The following ESRP1 variants were observed in gnomAD, a reference collection of about 807,000 sequenced individuals.
ESRP1 encodes epithelial splicing regulatory protein 1, also known as RNA-binding motif protein 35A.
Under a neutral mutation model 81.7 loss-of-function variants are expected in ESRP1, and 33 were observed. The observed-to-expected ratio is 0.40, with a 90% CI of 0.31 to 0.54. The LOEUF is 0.54. Ranked by LOEUF, ESRP1 falls within the 20% of genes least tolerant of loss-of-function variation. The pLI is 0.41. For synonymous variants in ESRP1, 320 were observed against 303.3 expected, an observed-to-expected ratio of 1.06 and a Z score of -0.57; for missense variants, 672 against 833.1, an observed-to-expected ratio of 0.81 and a Z score of 2.38.
chr8:94,679,950 A>C (rs1808808167), intron 13 of ESRP1, among the ~76,000 whole-genome samples: 1 of 152,146 alleles, frequency 6.6e-6, no homozygotes, highest in Admixed American at 6.6e-5. Context: ...AAGAGTAAAA[A>C]TATAATTTAA....
At chr8:94,652,602 AC>A (rs1818200149) in intron 4 of ESRP1, among the ~76,000 whole-genome samples, 1 of 151,704 alleles carries the variant, frequency 6.6e-6, no homozygotes, top group Non-Finnish European at 1.5e-5. Flanking sequence ...TTTTTTCCCC[AC>A]TAATGTTGGA....
In ESRP1 at chr8:94,678,387, A is replaced by T. The variant is rs1228096837; in HGVS notation, c.1820+16A>T. 6.2e-7 allele frequency: 1 copy of T among 1,605,368 alleles called. No individual in the cohort carries two copies. Among genetic ancestry groups the T allele is most frequent in the Non-Finnish European group, 8.5e-7 (1 of 1,174,936 alleles). On this transcript the variant is annotated intron_variant, in intron 13 of 15. Coordinates refer to ENST00000433389, the MANE Select transcript of ESRP1 (RefSeq NM_017697.4). ...ACTATCCCAGGTAAGGCTCTGACAG[A>T]GGTGGAAATGAGGGGCAGAAACAAA... is the stretch of plus-strand genomic sequence containing the variant.
intron 12 of ESRP1, among the ~76,000 whole-genome samples, chr8:94,675,772 T>C (rs981674883): frequency 2.6e-5 from 4 of 152,180 alleles, no homozygotes; most frequent in African/African-American, 9.7e-5. Context: ...TTACAGATTT[T>C]TCCTCTGAAG....
At chr8:94,676,343 C>A (rs150116995) in intron 12 of ESRP1, among the ~76,000 whole-genome samples, 2,059 of 107,338 alleles carry the variant, frequency 0.019, 65 homozygotes, top group African/African-American at 0.065. Context: ...CAGTGAGACT[C>A]AGTCTCAAAA....
In ESRP1 at chr8:94,657,729, C is replaced by A. The variant is rs142575002; in HGVS notation, c.491-4543C>A. Among the ~76,000 whole-genome samples, 217 of 152,340 alleles carry A rather than the reference C, an allele frequency of 1.4e-3. 1 individual carries two copies. Among genetic ancestry groups the A allele is most frequent in the African/African-American group, 5.0e-3 (208 of 41,570 alleles). On this transcript the variant is annotated intron_variant, in intron 4 of 15. Coordinates refer to ENST00000433389, the MANE Select transcript of ESRP1 (RefSeq NM_017697.4). ...TGATTCTTCAGCTACAAGTCTATTTCTAACCAGGCAGGAATGCTTTACATT... is the reference window on the plus strand; with the variant it reads ...TGATTCTTCAGCTACAAGTCTATTTATAACCAGGCAGGAATGCTTTACATT...
In ESRP1 at chr8:94,674,340, G is replaced by A; in HGVS notation, c.1485G>A (p.Met495Ile). The A allele has an allele frequency of 8.7e-6, 14 of 1,613,936 alleles. No individual in the cohort carries two copies. The highest frequency in any genetic ancestry group is 1.2e-5 in the Non-Finnish European group (14 of 1,179,886). ...GRPSGDAFIQ[M>I]KSADRAFMAA... is the part of the protein sequence containing the mutation. The stretch of plus-strand genomic sequence containing the variant: ...CATCAGGAGATGCCTTTATCCAGAT[G>A]AAGTCTGCGGACAGAGCATTTATGG... Residue 495 changes from methionine (M) to isoleucine (I), a missense_variant, in exon 12 of 16, where the codon ATG (methionine) becomes ATA (isoleucine). Physicochemically the swap from Met to Ile is conservative, Grantham distance 10 (BLOSUM62 1). Coordinates refer to ENST00000433389, the MANE Select transcript of ESRP1 (RefSeq NM_017697.4).
chr8:94,665,117 A>C, intron 8 of ESRP1, 37 bp from the exon 9 acceptor site: 1 of 1,613,780 alleles, frequency 6.2e-7, no homozygotes, highest in Non-Finnish European at 8.5e-7. Context: ...CATAGGACGG[A>C]AGGCTCAGAA....
At chr8:94,652,819 C>T (rs1182069231) in intron 4 of ESRP1, among the ~76,000 whole-genome samples, 1 of 152,132 alleles carries the variant, frequency 6.6e-6, no homozygotes, top group Non-Finnish European at 1.5e-5. Flanking sequence ...ATGAACGGCT[C>T]AGTGGGGAGC....
chr8:94,641,810 G>A (rs1468492536), intron 1 of ESRP1, 146 bp from the exon 2 acceptor site: 5 of 1,329,396 alleles, frequency 3.8e-6, no homozygotes, highest in South Asian at 1.5e-5. Flanking sequence ...GGAACGCACC[G>A]GAACCGATGG....
chr8:94,702,018 C>T lies in ESRP1; in HGVS notation c.*36-3907C>T, dbSNP rs75566150. 2.8e-4 allele frequency among the ~76,000 whole-genome samples: 42 copies of T among 152,284 alleles called. No homozygotes were observed. The East Asian group carries it at 6.9e-3, about 25-fold the overall frequency. ...GCTTCAGCCCAGGAGGTCGAGGTTG[C>T]GGTGAGCTGTCATCGTGCCACTGCC... On this transcript the variant is annotated intron_variant, in intron 15 of 15. Coordinates refer to ENST00000433389, the MANE Select transcript of ESRP1 (RefSeq NM_017697.4).
intron 15 of ESRP1, among the ~76,000 whole-genome samples, chr8:94,701,316 G>T (rs1304740126): frequency 1.3e-5 from 2 of 151,440 alleles, no homozygotes; most frequent in African/African-American, 4.9e-5. Context: ...CTCATGGCTG[G>T]CTATAGGATC....
intron 15 of ESRP1, among the ~76,000 whole-genome samples, chr8:94,702,257 C>A (rs1388706341): frequency 2.0e-5 from 3 of 152,054 alleles, no homozygotes; most frequent in Non-Finnish European, 4.4e-5. Flanking sequence ...TGTTATTGGA[C>A]TGTCAGCCTT....
chr8:94,663,973 C>A (rs1001804952), intron 6 of ESRP1, among the ~76,000 whole-genome samples: 1 of 152,080 alleles, frequency 6.6e-6, no homozygotes, highest in Non-Finnish European at 1.5e-5. Context: ...GGTTAATTGT[C>A]AGCTTTATTC....
At chr8:94,672,820 G>T (rs72676924) in intron 11 of ESRP1, among the ~76,000 whole-genome samples, 47,170 of 152,166 alleles carry the variant, frequency 0.31, 8,824 homozygotes, top group East Asian at 0.58. Flanking sequence ...GGCGTAAGCC[G>T]CCGCACCTGG....
intron 9 of ESRP1, among the ~76,000 whole-genome samples, chr8:94,667,564 C>T (rs1479648040): frequency 6.6e-6 from 1 of 152,034 alleles, no homozygotes; most frequent in Non-Finnish European, 1.5e-5. Flanking sequence ...TAATTTATGA[C>T]ATAGGCAATC....
intron 12 of ESRP1, among the ~76,000 whole-genome samples, chr8:94,674,948 A>AT (rs139220933): frequency 0.033 from 5,074 of 152,298 alleles, 269 homozygotes; most frequent in African/African-American, 0.11. Context: ...AGCATCAAGT[A>AT]TTTTTTTAAC....
chr8:94,677,146 T>C (rs1423199273), intron 12 of ESRP1, among the ~76,000 whole-genome samples: 4 of 152,202 alleles, frequency 2.6e-5, no homozygotes, highest in Non-Finnish European at 4.4e-5. Flanking sequence ...TTAGTCTTTT[T>C]TCTATACGCC....
At chr8:94,704,752 C>T (rs947079854) in intron 15 of ESRP1, among the ~76,000 whole-genome samples, 1 of 117,076 alleles carries the variant, frequency 8.5e-6, no homozygotes, top group African/African-American at 3.4e-5. Flanking sequence ...CAATGCAAGG[C>T]ACCATCTCTT....
At position 94,667,068 on chromosome 8, in the gene ESRP1, G is replaced by GGGGTGTGTGTGTGTGTGT. The variant is rs1554577644; in HGVS notation, c.932-880_932-879insGGTGTGTGTGTGTGTGTG. On this transcript the variant is annotated intron_variant, in intron 9 of 15. Coordinates refer to ENST00000433389, the MANE Select transcript of ESRP1 (RefSeq NM_017697.4). ...TAATACACAAATTAGCCAGGAGAGG[G>GGGGTGTGTGTGTGTGTGT]GTGTGTGTGTGTGTGTGTGTGTGTG... 6.0e-3 allele frequency among the ~76,000 whole-genome samples: 866 copies of GGGGTGTGTGTGTGTGTGT among 144,302 alleles called. 7 individuals carry two copies. Among genetic ancestry groups the GGGGTGTGTGTGTGTGTGT allele is most frequent in the Middle Eastern group, 0.011 (3 of 278 alleles). The allele number at this position is 144,302 out of a possible 152,430, so 94.7% of individuals were successfully genotyped here.
Sources: gnomAD v4.1 joint callset for allele counts (sites outside exome capture counted in the v4.1 genomes callset) on GRCh38, gnomAD v4.1.1 for gene constraint, MANE v1.5 for transcripts, NCBI Gene and HGNC (gene_info 2026-07-23, HGNC 2026-07-21) for gene names.